The following CCDC171 variants were observed in gnomAD, a reference collection of about 807,000 sequenced individuals.
CCDC171 encodes coiled-coil domain containing 171.
In CCDC171, 177 loss-of-function variants were observed where a neutral mutation model predicts 168.2. The observed-to-expected ratio is 1.05, with a 90% CI of 0.93 to 1.19. The LOEUF is 1.19. Ranked by LOEUF, CCDC171 falls within the 50% of genes most tolerant of loss-of-function variation. The probability of loss-of-function intolerance (pLI) is 0.00; values close to 1 mark genes in which losing one functional copy is unlikely to be tolerated. For synonymous variants in CCDC171, 687 were observed against 540.8 expected (o/e 1.27, Z -3.75); for missense variants, 1,991 against 1,539.0 (o/e 1.29, Z -4.91).
At chr9:15,708,207 C>A (rs2052391362) in intron 11 of CCDC171, among the ~76,000 whole-genome samples, 1 of 152,214 alleles carries the variant, frequency 6.6e-6, no homozygotes, top group African/African-American at 2.4e-5. Context: ...TGCAAACAAT[C>A]AAGTTTAAAG....
chr9:16,104,464 C>A, the CCDC171 span, among the ~76,000 whole-genome samples: 2 of 152,138 alleles, frequency 1.3e-5, no homozygotes, highest in Non-Finnish European at 1.5e-5. Flanking sequence ...TTTGGCCTTT[C>A]TCAGCTGCTG....
At chr9:15,761,045 C>T (rs1007197119) in intron 18 of CCDC171, among the ~76,000 whole-genome samples, 3 of 152,036 alleles carry the variant, frequency 2.0e-5, no homozygotes, top group East Asian at 1.9e-4. Context: ...TATGACTGGT[C>T]GAGACTAAAA....
At chr9:15,694,566 C>T (rs958633170) in intron 10 of CCDC171, among the ~76,000 whole-genome samples, 15 of 152,286 alleles carry the variant, frequency 9.8e-5, no homozygotes, top group Non-Finnish European at 2.1e-4. Flanking sequence ...TACTGAAATC[C>T]ACCCAGTTCA....
intron 16 of CCDC171, among the ~76,000 whole-genome samples, chr9:15,742,806 TTTTTTC>T (rs1212706852): frequency 3.9e-5 from 6 of 152,184 alleles, no homozygotes; most frequent in African/African-American, 1.4e-4. Flanking sequence ...CAATACTTTT[TTTTTTC>T]TTTTTTAATA....
chr9:15,632,360 A>G lies in CCDC171; in HGVS notation c.822+8947A>G, dbSNP rs1057076133. 1.2e-3 allele frequency among the ~76,000 whole-genome samples: 182 copies of G among 152,114 alleles called. No individual in the cohort carries two copies. The Middle Eastern group carries it at 0.014, about 11-fold the overall frequency. ...AAATCAATGTACAAAAATCACAAGC[A>G]TTCTTATACACCAATAACAGACAAA... On this transcript the variant is annotated intron_variant, in intron 7 of 25. Transcript: ENST00000380701.
At chr9:16,082,539 A>C in the CCDC171 span, among the ~76,000 whole-genome samples, 12 of 152,328 alleles carry the variant, frequency 7.9e-5, no homozygotes, top group Admixed American at 4.6e-4. Context: ...GCTTTTGTAA[A>C]GCAAAGAAGG....
chr9:15,657,945 C>T (rs2048061924), intron 8 of CCDC171, among the ~76,000 whole-genome samples: 1 of 152,174 alleles, frequency 6.6e-6, no homozygotes, highest in Non-Finnish European at 1.5e-5. Context: ...GTCTGACCTG[C>T]AGCCTTTTTC....
In CCDC171 at chr9:15,902,750, A is replaced by T. The variant is rs1315595389; in HGVS notation, c.3601-17520A>T. On this transcript the variant is annotated intron_variant, in intron 24 of 25. Transcript: ENST00000380701. Reference sequence around the variant, plus strand: ...AGGGCAAGGCATCACCTCACCTGGGAAGCACAAGGGGTCAGGGAATTCCCT... The same window carrying T: ...AGGGCAAGGCATCACCTCACCTGGGTAGCACAAGGGGTCAGGGAATTCCCT... 2.0e-5 allele frequency among the ~76,000 whole-genome samples: 3 copies of T among 152,346 alleles called. No homozygotes were observed. The East Asian group carries it at 5.8e-4, about 29-fold the overall frequency.
At chr9:15,846,362 C>A (rs1025364246) in intron 21 of CCDC171, among the ~76,000 whole-genome samples, 1 of 152,038 alleles carries the variant, frequency 6.6e-6, no homozygotes, top group Non-Finnish European at 1.5e-5. Flanking sequence ...ATTTCATGTG[C>A]TTTCTCCCCT....
chr9:15,781,369 G>A (rs1369847039), intron 20 of CCDC171, among the ~76,000 whole-genome samples: 1 of 152,060 alleles, frequency 6.6e-6, no homozygotes, highest in Admixed American at 6.5e-5. Flanking sequence ...GGAAGTGCAG[G>A]AATAAAAATA....
chr9:15,894,177 C>T (rs1321259037), intron 24 of CCDC171, among the ~76,000 whole-genome samples: 1 of 152,086 alleles, frequency 6.6e-6, no homozygotes, highest in African/African-American at 2.4e-5. Context: ...AACATAGGAA[C>T]AGAAAACCAA....
At chr9:15,778,141 CA>C (rs1421588608) in intron 19 of CCDC171, among the ~76,000 whole-genome samples, 3 of 148,684 alleles carry the variant, frequency 2.0e-5, no homozygotes, top group African/African-American at 7.5e-5. Flanking sequence ...ACTAAAAATA[CA>C]AAAAATTAGC....
intron 21 of CCDC171, among the ~76,000 whole-genome samples, chr9:15,799,852 C>G (rs1305842168): frequency 6.6e-6 from 1 of 152,050 alleles, no homozygotes; most frequent in Non-Finnish European, 1.5e-5. Flanking sequence ...TTAGCCCCTC[C>G]AAATAAGTAA....
chr9:15,590,325 T>C (rs2131431624), intron 4 of CCDC171, among the ~76,000 whole-genome samples: 1 of 152,372 alleles, frequency 6.6e-6, no homozygotes, highest in African/African-American at 2.4e-5. Context: ...CTAATATAGC[T>C]GTGGCATCTT....
intron 16 of CCDC171, among the ~76,000 whole-genome samples, chr9:15,732,422 C>G (rs1396706): frequency 4.0e-5 from 6 of 151,792 alleles, no homozygotes; most frequent in Non-Finnish European, 5.9e-5. Context: ...TTGTTCAGCA[C>G]TTTCCTAGCT....
intron 6 of CCDC171, among the ~76,000 whole-genome samples, chr9:15,612,569 A>G (rs939279604): frequency 6.6e-6 from 1 of 152,122 alleles, no homozygotes; most frequent in African/African-American, 2.4e-5. Context: ...GGTTTTACCA[A>G]ATGTTTTTAG....
intron 7 of CCDC171, among the ~76,000 whole-genome samples, chr9:15,642,678 G>T (rs532708235): frequency 2.0e-5 from 3 of 152,042 alleles, no homozygotes; most frequent in East Asian, 1.9e-4. Flanking sequence ...ATTTTTTGCT[G>T]TCCTTACTGA....
At chr9:15,842,400 T>G (rs1023131162) in intron 21 of CCDC171, among the ~76,000 whole-genome samples, 1 of 152,048 alleles carries the variant, frequency 6.6e-6, no homozygotes, top group Non-Finnish European at 1.5e-5. Flanking sequence ...AACTTTAACG[T>G]TTGTACTGTA....
chr9:15,897,837 C>G (rs567002225), intron 24 of CCDC171, among the ~76,000 whole-genome samples: 2 of 152,124 alleles, frequency 1.3e-5, no homozygotes, highest in Admixed American at 6.6e-5. Context: ...AAACATCAAC[C>G]AGTCCAAATC....
Sources: gnomAD v4.1 joint callset for allele counts (sites outside exome capture counted in the v4.1 genomes callset) on GRCh38, gnomAD v4.1.1 for gene constraint, MANE v1.5 for transcripts, NCBI Gene and HGNC (gene_info 2026-07-23, HGNC 2026-07-21) for gene names.